The following SLC25A23 variants were observed in gnomAD, a reference collection of about 807,000 sequenced individuals.
SLC25A23 encodes the protein mitochondrial adenyl nucleotide antiporter SLC25A23.
SLC25A23 carries 32 observed loss-of-function variants against 53.9 expected under a neutral mutation model. The observed-to-expected ratio is 0.59, with a 90% CI of 0.45 to 0.80. SLC25A23 has a LOEUF of 0.80. Ranked by LOEUF, SLC25A23 falls within the 30% of genes least tolerant of loss-of-function variation. The pLI is 0.00. For missense variants in SLC25A23, 575 were observed against 651.4 expected (o/e 0.88, Z 1.28); for synonymous variants, 275 against 264.5 (o/e 1.04, Z -0.38).
chr19:6,456,198 C>T, intron 4 of SLC25A23: 1 of 1,211,568 alleles, frequency 8.3e-7, no homozygotes, highest in East Asian at 2.6e-5. Context: ...ATGTAAGTCT[C>T]AAGGGCTGCG....
chr19:6,459,416 G>T lies in SLC25A23; in HGVS notation c.156+57C>A. 1 of 1,478,092 alleles carries T rather than the reference G, an allele frequency of 6.8e-7. No homozygotes were observed. The highest frequency in any genetic ancestry group is 9.0e-7 in the Non-Finnish European group (1 of 1,110,014). The allele number at this position is 1,478,092 out of a possible 1,614,324, so 91.6% of individuals were successfully genotyped here. A position where few individuals can be genotyped will look rare whatever the true frequency, so the allele number is the denominator to read the frequency against. On this transcript the variant is annotated intron_variant, in intron 1 of 9. Transcript: ENST00000301454. This position sits in a 1 kb window ranked among gnomAD's most constrained non-coding sequence, Gnocchi z 4.6. ...CTCCGGCCGCCCAGTTCAGGGGCTT[G>T]GGTAACCGGGAGCGGGCGGGGCCGG...
intron 8 of SLC25A23, 21 bp from the exon 9 acceptor site, chr19:6,444,322 G>A: frequency 6.3e-7 from 1 of 1,580,732 alleles, no homozygotes. Context: ...GAAGGGAGTA[G>A]GGAGGGTTGG....
In SLC25A23 at chr19:6,459,361, T is replaced by C. The variant is rs1017111780; in HGVS notation, c.156+112A>G. ...GGGAACGAGACAGAGACACAGGTTC[T>C]GGAGTCCAGCCACAGGTAGTCCCTG... On this transcript the variant is annotated intron_variant, in intron 1 of 9. Transcript: ENST00000301454. The surrounding 1 kb of genome is among the most constrained non-coding windows in gnomAD (Gnocchi z 4.6). 4 of 900,072 alleles carry C rather than the reference T, an allele frequency of 4.4e-6. No homozygotes were observed. The African/African-American group carries it at 7.0e-5, about 16-fold the overall frequency. 55.8% of individuals were successfully genotyped at this position (900,072 alleles called of 1,614,324 possible). A position where few individuals can be genotyped will look rare whatever the true frequency, so the allele number is the denominator to read the frequency against.
chr19:6,455,619 TCA>T (rs1424194590), intron 4 of SLC25A23, among the ~76,000 whole-genome samples: 2 of 151,426 alleles, frequency 1.3e-5, no homozygotes, highest in Non-Finnish European at 2.9e-5. Flanking sequence ...GACACATTGC[TCA>T]TAGACATTTC....
chr19:6,459,600 C>A lies in SLC25A23; in HGVS notation c.29G>T (p.Arg10Leu), dbSNP rs528725474. The change falls in exon 1 of 10, where the codon CGG becomes CTG. Residue 10 changes from arginine (R) to leucine (L), a missense_variant. Physicochemically the swap from Arg to Leu is moderately radical, Grantham distance 102. Coordinates refer to ENST00000301454, the MANE Select transcript of SLC25A23 (RefSeq NM_024103.3). This position sits in a 1 kb window ranked among gnomAD's most constrained non-coding sequence, Gnocchi z 4.6. ...GAACAGGCGACCCCAGCGCTGCCGC[C>A]GCTCCGCGTCGCCCGGGCTCCCCCG... MRGSPGDAE[R>L]RQRWGRLFEE... The A allele has an allele frequency of 9.8e-6, 15 of 1,530,634 alleles. No individual in the cohort carries two copies. The South Asian group carries it at 1.6e-4, about 16-fold the overall frequency. 94.8% of individuals were successfully genotyped at this position (1,530,634 alleles called of 1,614,324 possible). A position where few individuals can be genotyped will look rare whatever the true frequency, so the allele number is the denominator to read the frequency against.
rs778660356 is a variant in SLC25A23 at position 6,444,307 on chromosome 19, G to C, written c.1072-6C>G. The C allele has an allele frequency of 2.5e-6, 4 of 1,599,154 alleles. No individual in the cohort carries two copies. The African/African-American group carries it at 5.4e-5, about 21-fold the overall frequency. On this transcript the variant is annotated splice_polypyrimidine_tract_variant and splice_region_variant and intron_variant, in intron 8 of 9. Coordinates refer to ENST00000301454, the MANE Select transcript of SLC25A23 (RefSeq NM_024103.3). Reference sequence around the variant, plus strand: ...AGCCACCAGTTCTTCAGAGTCTGGAGTGGAGAAGGGAGTAGGGAGGGTTGG... The same window carrying C: ...AGCCACCAGTTCTTCAGAGTCTGGACTGGAGAAGGGAGTAGGGAGGGTTGG...
chr19:6,449,909 A>T (rs1193993094), intron 8 of SLC25A23, among the ~76,000 whole-genome samples: 4 of 137,346 alleles, frequency 2.9e-5, no homozygotes, highest in Non-Finnish European at 1.5e-5. Flanking sequence ...TCACCTGTGC[A>T]GTGCAAGAAC....
intron 2 of SLC25A23, among the ~76,000 whole-genome samples, chr19:6,457,936 T>C (rs1187039809): frequency 1.3e-5 from 2 of 152,064 alleles, no homozygotes; most frequent in Non-Finnish European, 2.9e-5. Context: ...AGGAACAGCA[T>C]AGGGTATCTT....
Position 6,454,244 on chromosome 19 carries a change from C to T in SLC25A23, c.795+79G>A. 6.4e-7 allele frequency: 1 copy of T among 1,551,426 alleles called. No homozygotes were observed. The highest frequency in any genetic ancestry group is 8.7e-7 in the Non-Finnish European group (1 of 1,145,322). Reference sequence around the variant, plus strand: ...GGGGACCTGTGTTCACCACCCACCCCCAAGCCAATCCCGTAAATCTTTATG... The same window carrying T: ...GGGGACCTGTGTTCACCACCCACCCTCAAGCCAATCCCGTAAATCTTTATG... On this transcript the variant is annotated intron_variant, in intron 6 of 9. Coordinates refer to ENST00000301454, the MANE Select transcript of SLC25A23 (RefSeq NM_024103.3). This position sits in a 1 kb window ranked among gnomAD's most constrained non-coding sequence, Gnocchi z 4.3.
chr19:6,443,030 C>T (rs55913254), intron 9 of SLC25A23, among the ~76,000 whole-genome samples: 10,346 of 150,590 alleles, frequency 0.069, 520 homozygotes, highest in African/African-American at 0.15. Flanking sequence ...CCTATGCCTG[C>T]TGGGTTCAAG....
At chr19:6,442,934 CTTTTTTTTTTT>C (rs1024821991) in intron 9 of SLC25A23, among the ~76,000 whole-genome samples, 2 of 113,142 alleles carry the variant, frequency 1.8e-5, no homozygotes, top group South Asian at 6.1e-4. Flanking sequence ...ATGCCCAGCC[CTTTTTTTTTTT>C]TTTTTTTTTG....
In SLC25A23 at chr19:6,441,842, A is replaced by T; in HGVS notation, c.*133T>A. On this transcript the variant is annotated 3_prime_UTR_variant, in exon 10 of 10. Transcript: ENST00000301454. ...GATCCCATGACCCAATGGTTGGGGC[A>T]TAGGAGTCTAGGATCCAGGATCTGG... 1 of 777,926 alleles carries T rather than the reference A, an allele frequency of 1.3e-6. No homozygotes were observed. The highest frequency in any genetic ancestry group is 2.1e-6 in the Non-Finnish European group (1 of 487,398). The allele number at this position is 777,926 out of a possible 1,614,324, so 48.2% of individuals were successfully genotyped here. A position where few individuals can be genotyped will look rare whatever the true frequency, so the allele number is the denominator to read the frequency against.
Position 6,444,080 on chromosome 19 carries a change from G to A in SLC25A23, c.1222+71C>T, listed in dbSNP as rs2092466676. On this transcript the variant is annotated intron_variant, in intron 9 of 9. Coordinates refer to ENST00000301454, the MANE Select transcript of SLC25A23 (RefSeq NM_024103.3). ...AAATCCAGGAGGGTCCCAGCCCAGG[G>A]CTCTACTTGGGAGAAGCTGGGGCCC... 5 of 1,437,972 alleles carry A rather than the reference G, an allele frequency of 3.5e-6. No individual in the cohort carries two copies. The East Asian group carries it at 1.3e-4, about 36-fold the overall frequency. The allele number at this position is 1,437,972 out of a possible 1,614,324, so 89.1% of individuals were successfully genotyped here. A position where few individuals can be genotyped will look rare whatever the true frequency, so the allele number is the denominator to read the frequency against.
At chr19:6,457,359 G>A (rs912391729) in intron 3 of SLC25A23, 144 bp downstream of exon 3, 13 of 703,916 alleles carry the variant, frequency 1.8e-5, no homozygotes, top group East Asian at 1.4e-4. Context: ...GAGCCACTGC[G>A]CCTGGCCAGA....
rs2092732151 is a variant in SLC25A23, at chr19:6,459,542, C to T, written c.87G>A (p.Val29=). The change falls in exon 1 of 10, where the codon GTG becomes GTA. Residue 29 remains valine, a synonymous_variant. Coordinates refer to ENST00000301454, the MANE Select transcript of SLC25A23 (RefSeq NM_024103.3). This position sits in a 1 kb window ranked among gnomAD's most constrained non-coding sequence, Gnocchi z 4.6. ...EELDSNKDGR[V]DVHELRQGLA... is the part of the protein sequence containing the mutation. ...GCCCCTGGCGCAACTCGTGCACGTCCACGCGGCCATCCTTGTTACTGTCCA... is the reference window on the plus strand; with the variant it reads ...GCCCCTGGCGCAACTCGTGCACGTCTACGCGGCCATCCTTGTTACTGTCCA... The T allele has an allele frequency of 1.3e-6, 2 of 1,599,344 alleles. No homozygotes were observed. Among genetic ancestry groups the T allele is most frequent in the Non-Finnish European group, 1.7e-6 (2 of 1,177,200 alleles).
intron 8 of SLC25A23, among the ~76,000 whole-genome samples, chr19:6,451,175 G>T (rs1347780210): frequency 6.6e-6 from 1 of 151,652 alleles, no homozygotes; most frequent in Non-Finnish European, 1.5e-5. Flanking sequence ...GATCACTTAA[G>T]GTCAGGAGTT....
intron 8 of SLC25A23, among the ~76,000 whole-genome samples, chr19:6,445,817 C>T (rs1365166965): frequency 3.3e-5 from 5 of 151,674 alleles, no homozygotes; most frequent in African/African-American, 9.7e-5. Context: ...TTTGGGAGGC[C>T]GAGGCAAGAG....
chr19:6,458,313 A>G lies in SLC25A23; in HGVS notation c.168T>C (p.Ser56=). The change falls in exon 2 of 10, where the codon TCT becomes TCC. Residue 56 remains serine (S), a synonymous_variant. Transcript: ENST00000301454. ...CGCCATCTGGGTCAGCATCACCCTC[A>G]GAGGAGATACCCTGACAGAGGGAAA... ...PDPGAQQGIS[S]EGDADPDGGL... is the part of the protein sequence containing the mutation. 1 of 1,612,786 alleles carries G rather than the reference A, an allele frequency of 6.2e-7. No individual in the cohort carries two copies. Among genetic ancestry groups the G allele is most frequent in the Non-Finnish European group, 8.5e-7 (1 of 1,179,892 alleles).
downstream of SLC25A23, among the ~76,000 whole-genome samples, chr19:6,439,399 T>TCTCTCTCACACACACA (rs1196510603): frequency 3.2e-5 from 4 of 123,986 alleles, no homozygotes; most frequent in African/African-American, 1.3e-4. Context: ...TCTCTCTCTC[T>TCTCTCTCACACACACA]CACACACACA....
Sources: gnomAD v4.1 joint callset for allele counts (sites outside exome capture counted in the v4.1 genomes callset) on GRCh38, gnomAD v4.1.1 for gene constraint, Gnocchi (gnomAD v3.1) non-coding constraint, MANE v1.5 for transcripts, NCBI Gene and HGNC (gene_info 2026-07-23, HGNC 2026-07-21) for gene names.